Variants in PLA2G6 observed in about 807,000 individuals in gnomAD.
PLA2G6 encodes the protein 85/88 kDa calcium-independent phospholipase A2.
A neutral mutation model predicts 83.8 loss-of-function variants in PLA2G6; 62 were observed. The ratio of observed to expected loss-of-function variants is 0.74; its 90% CI spans 0.60 to 0.91. The LOEUF is 0.91. Among genes scored for constraint, PLA2G6 ranks in the 40% least tolerant of loss-of-function variants. The probability of loss-of-function intolerance (pLI) is 0.00; values close to 1 mark genes in which losing one functional copy is unlikely to be tolerated. For synonymous variants in PLA2G6, 417 were observed against 449.8 expected (o/e 0.93, Z 0.92); for missense variants, 944 against 1,102.0 (o/e 0.86, Z 2.03).
chr22:38,177,316 T>A (rs2090673767), intron 1 of PLA2G6, among the ~76,000 whole-genome samples: 1 of 152,042 alleles, frequency 6.6e-6, no homozygotes, highest in Non-Finnish European at 1.5e-5. Flanking sequence ...AAATGTTCCC[T>A]CTGACCCCAG....
chr22:38,167,241 A>G (rs2090255983), intron 2 of PLA2G6, among the ~76,000 whole-genome samples: 1 of 151,644 alleles, frequency 6.6e-6, no homozygotes, highest in Non-Finnish European at 1.5e-5. Flanking sequence ...AAAAAAAAAA[A>G]AAGAAAACAA....
chr22:38,178,430 C>T (rs1432381591), intron 1 of PLA2G6, among the ~76,000 whole-genome samples: 1 of 152,030 alleles, frequency 6.6e-6, no homozygotes, highest in Non-Finnish European at 1.5e-5. Context: ...ATTACCCAGG[C>T]ATGGTATCTC....
chr22:38,116,808 G>A (rs889939374), intron 12 of PLA2G6, among the ~76,000 whole-genome samples: 9 of 122,958 alleles, frequency 7.3e-5, no homozygotes, highest in African/African-American at 1.5e-4. Context: ...CCGAGATCAC[G>A]TCATTGCACT....
intron 2 of PLA2G6, among the ~76,000 whole-genome samples, chr22:38,165,227 T>G (rs1051344779): frequency 1.1e-4 from 16 of 152,282 alleles, no homozygotes; most frequent in Non-Finnish European, 1.3e-4. Flanking sequence ...TATATCACAT[T>G]CATTTGTTCC....
intron 1 of PLA2G6, among the ~76,000 whole-genome samples, chr22:38,180,962 G>C (rs1166265352): frequency 1.3e-5 from 2 of 152,190 alleles, no homozygotes; most frequent in African/African-American, 4.8e-5. Context: ...CGGGTAAGAG[G>C]CAGGTGAGGG....
rs763890020 is a variant in PLA2G6 at position 38,132,929 on chromosome 22, G to A, written c.979C>T (p.Arg327Cys). Residue 327 changes from arginine (R) to cysteine (C), a missense_variant, in exon 7 of 17, where the codon CGC (arginine) becomes TGC (cysteine). Transcript: ENST00000332509. The surrounding 1 kb of genome is among the most constrained non-coding windows in gnomAD (Gnocchi z 5.0). ...ACTATGGCACAGTCGAAGCGGTTGC[G>A]CATCACCGCCACGTGCAGGGCCGTG... ...GNTALHVAVMRNRFDCAIVLL... is the reference protein window; with the variant it reads ...GNTALHVAVMCNRFDCAIVLL... The A allele has an allele frequency of 1.7e-5, 26 of 1,559,426 alleles. No homozygotes were observed. Among genetic ancestry groups the A allele is most frequent in the Non-Finnish European group, 2.2e-5 (25 of 1,152,306 alleles).
In PLA2G6 at chr22:38,111,973, AGGCGG is replaced by A. The variant is rs139718702; in HGVS notation, c.*183_*187del. ...GCCTGGAATGACAGAAAGTGCTGGA[AGGCGG>A]GGTTAGTGGGAGACAGGCCTTCAGG... On this transcript the variant is annotated 3_prime_UTR_variant, in exon 17 of 17. Coordinates refer to ENST00000332509, the MANE Select transcript of PLA2G6 (RefSeq NM_003560.4). The A allele has an allele frequency of 0.08, 51,789 of 651,406 alleles. 2,586 individuals are homozygous for A. Among genetic ancestry groups the A allele is most frequent in the East Asian group, 0.21 (7,830 of 36,534 alleles). The allele number at this position is 651,406 out of a possible 1,614,324, so 40.4% of individuals were successfully genotyped here. A position where few individuals can be genotyped will look rare whatever the true frequency, so the allele number is the denominator to read the frequency against.
intron 1 of PLA2G6, among the ~76,000 whole-genome samples, chr22:38,174,238 T>G (rs1290686453): frequency 1.4e-5 from 2 of 147,862 alleles, no homozygotes; most frequent in Admixed American, 1.3e-4. Flanking sequence ...CTACTAAAAA[T>G]ACAAAAAAAA....
Position 38,145,716 on chromosome 22 carries a change from C to A in PLA2G6, c.210-63G>T, listed in dbSNP as rs368328529. 37 of 1,203,626 alleles carry A rather than the reference C, an allele frequency of 3.1e-5. No individual in the cohort carries two copies. The East Asian group carries it at 6.1e-4, about 20-fold the overall frequency. The allele number at this position is 1,203,626 out of a possible 1,614,324, so 74.6% of individuals were successfully genotyped here. Reference sequence around the variant, plus strand: ...GTAAGGCGGGACCCTCGGCCCACATCCCTGCTGGAATCAGAAGGTCCCCAG... The same window carrying A: ...GTAAGGCGGGACCCTCGGCCCACATACCTGCTGGAATCAGAAGGTCCCCAG... On this transcript the variant is annotated intron_variant, in intron 2 of 16. Transcript: ENST00000332509.
At chr22:38,136,592 CAAAAACA>C (rs2088567838) in intron 5 of PLA2G6, 1 of 151,758 alleles carries the variant, frequency 6.6e-6, no homozygotes, top group African/African-American at 2.4e-5. Flanking sequence ...AACTCTGTCT[CAAAAACA>C]AAAAACAAAA....
At position 38,151,226 on chromosome 22, in the gene PLA2G6, A is replaced by G. The variant is rs2089543507; in HGVS notation, c.210-5573T>C. Among the ~76,000 whole-genome samples the G allele has an allele frequency of 2.0e-5, 3 of 152,284 alleles. No individual in the cohort carries two copies. The South Asian group carries it at 6.2e-4, about 32-fold the overall frequency. Reference sequence around the variant, plus strand: ...TCATTAGCAGACCTACACGAAAGGAAATACAAAAGCTTTTTCTTTCCTTCT... The same window carrying G: ...TCATTAGCAGACCTACACGAAAGGAGATACAAAAGCTTTTTCTTTCCTTCT... On this transcript the variant is annotated intron_variant, in intron 2 of 16. Transcript: ENST00000332509.
chr22:38,169,015 T>A (rs766135704), intron 2 of PLA2G6, among the ~76,000 whole-genome samples: 1 of 152,130 alleles, frequency 6.6e-6, no homozygotes, highest in South Asian at 2.1e-4. Context: ...CTCAGCCTCG[T>A]GCTGGGACAC....
At chr22:38,144,895 C>T (rs1455937485) in intron 3 of PLA2G6, 5 of 268,138 alleles carry the variant, frequency 1.9e-5, no homozygotes, top group Middle Eastern at 4.2e-4. Context: ...AATGACGATA[C>T]CTTGTGGGGG....
chr22:38,136,085 TG>T (rs1444924093), intron 5 of PLA2G6: 1 of 152,190 alleles, frequency 6.6e-6, no homozygotes, highest in Non-Finnish European at 1.5e-5. Context: ...GGACAAACGC[TG>T]TATGATTTCA....
chr22:38,164,186 C>T (rs934932072), intron 2 of PLA2G6, among the ~76,000 whole-genome samples: 3 of 152,142 alleles, frequency 2.0e-5, no homozygotes, highest in Admixed American at 6.5e-5. Flanking sequence ...GGGGCTCACA[C>T]GGGGAGAGCC....
intron 1 of PLA2G6, among the ~76,000 whole-genome samples, chr22:38,176,208 G>C (rs1175741166): frequency 6.6e-6 from 1 of 152,112 alleles, no homozygotes; most frequent in African/African-American, 2.4e-5. Flanking sequence ...TTTATATATA[G>C]TCAGGGCACT....
intron 2 of PLA2G6, among the ~76,000 whole-genome samples, chr22:38,153,201 G>A (rs1425603817): frequency 2.0e-5 from 3 of 152,236 alleles, no homozygotes; most frequent in Non-Finnish European, 4.4e-5. Flanking sequence ...GGAGGCCGAG[G>A]TGCGTGGATC....
In PLA2G6 at chr22:38,132,352, G is replaced by A. The variant is rs933597445; in HGVS notation, c.1077+479C>T. 24 of 322,790 alleles carry A rather than the reference G, an allele frequency of 7.4e-5. No individual in the cohort carries two copies. The highest frequency in any genetic ancestry group is 5.7e-4 in the Admixed American group (12 of 21,234). 20.0% of individuals were successfully genotyped at this position (322,790 alleles called of 1,614,324 possible). A position where few individuals can be genotyped will look rare whatever the true frequency, so the allele number is the denominator to read the frequency against. On this transcript the variant is annotated intron_variant, in intron 7 of 16. Coordinates refer to ENST00000332509, the MANE Select transcript of PLA2G6 (RefSeq NM_003560.4). The surrounding 1 kb of genome is among the most constrained non-coding windows in gnomAD (Gnocchi z 5.0). ...CTCCCAGGGAAGATGAGAGCAACACGCGGACCAGTGAAGGGAAGCAGGATG... is the reference window on the plus strand; with the variant it reads ...CTCCCAGGGAAGATGAGAGCAACACACGGACCAGTGAAGGGAAGCAGGATG...
chr22:38,114,236 A>G (rs968201246), intron 14 of PLA2G6, among the ~76,000 whole-genome samples: 13 of 148,388 alleles, frequency 8.8e-5, no homozygotes, highest in African/African-American at 3.0e-4. Context: ...TCTGGAGTGC[A>G]GTGGCGCGAT....
Sources: gnomAD v4.1 joint callset for allele counts (sites outside exome capture counted in the v4.1 genomes callset) on GRCh38, gnomAD v4.1.1 for gene constraint, Gnocchi (gnomAD v3.1) non-coding constraint, MANE v1.5 for transcripts, NCBI Gene and HGNC (gene_info 2026-07-23, HGNC 2026-07-21) for gene names.